BICDL2: variants seen among roughly 807,000 people sequenced by gnomAD.
BICDL2 encodes BICD family like cargo adaptor 2, also known as BICD family-like cargo adapter 2.
A neutral mutation model predicts 56.6 loss-of-function variants in BICDL2; 62 were observed. The ratio of observed to expected loss-of-function variants is 1.10; its 90% CI spans 0.89 to 1.35. The LOEUF is 1.35. Ranked by LOEUF, BICDL2 falls within the 40% of genes most tolerant of loss-of-function variation. The probability of loss-of-function intolerance (pLI) is 0.00; values close to 1 mark genes in which losing one functional copy is unlikely to be tolerated. For synonymous variants in BICDL2, 358 were observed against 319.8 expected (o/e 1.12, Z -1.27); for missense variants, 808 against 684.5 (o/e 1.18, Z -2.01).
At chr16:3,031,195 G>T (rs955108429) in intron 2 of BICDL2, 45 bp from the exon 3 acceptor site, 1 of 1,495,878 alleles carries the variant, frequency 6.7e-7, no homozygotes. Context: ...AGGCACCGAT[G>T]AGACTGGGCA....
intron 2 of BICDL2, among the ~76,000 whole-genome samples, chr16:3,033,618 A>G (rs1480688169): frequency 3.9e-5 from 6 of 152,050 alleles, no homozygotes; most frequent in African/African-American, 1.4e-4. Flanking sequence ...TCATCTCTAC[A>G]AAAAATGCAA....
chr16:3,035,109 C>T, intron 2 of BICDL2, 106 bp downstream of exon 2: 10 of 1,181,476 alleles, frequency 8.5e-6, no homozygotes, highest in Non-Finnish European at 1.1e-5. Flanking sequence ...CTGTCCTCCC[C>T]AGCTCCTCTC....
chr16:3,035,980 T>G (rs1364571879), intron 1 of BICDL2: 4 of 312,604 alleles, frequency 1.3e-5, no homozygotes, highest in Non-Finnish European at 1.9e-5. Flanking sequence ...TGAGGTATCT[T>G]CGCCCCCAGG....
intron 1 of BICDL2, 133 bp downstream of exon 1, chr16:3,036,761 G>T: frequency 2.7e-6 from 1 of 367,524 alleles, no homozygotes; most frequent in Non-Finnish European, 5.3e-6. Context: ...GTTCCTGCCG[G>T]CGCCCCCGGT....
rs953258725 is a variant in BICDL2, at chr16:3,028,032, G to A, written c.*74C>T. 2.4e-5 allele frequency: 33 copies of A among 1,385,142 alleles called. No individual in the cohort carries two copies. Among genetic ancestry groups the A allele is most frequent in the Non-Finnish European group, 3.1e-5 (33 of 1,071,040 alleles). The allele number at this position is 1,385,142 out of a possible 1,614,324, so 85.8% of individuals were successfully genotyped here. A position where few individuals can be genotyped will look rare whatever the true frequency, so the allele number is the denominator to read the frequency against. On this transcript the variant is annotated 3_prime_UTR_variant, in exon 10 of 10. Transcript: ENST00000572449. The stretch of plus-strand genomic sequence containing the variant: ...CAGCTTCTTTTGGAAGACAATCTGG[G>A]CCCTGTCGCTCCATTGGCCTGAAGA...
rs113976644 is a variant in BICDL2 at position 3,034,730 on chromosome 16, C to G, written c.282+485G>C. ...TCCTTCCTTTTTTTTTTTTCAGGAT[C>G]TCACTCTGTTGCTCAAGCTGTAGTG... On this transcript the variant is annotated intron_variant, in intron 2 of 9. Transcript: ENST00000572449. Among the ~76,000 whole-genome samples the G allele has an allele frequency of 1.9e-3, 246 of 128,912 alleles. 1 individual carries two copies. Among genetic ancestry groups the G allele is most frequent in the African/African-American group, 7.4e-3 (236 of 31,762 alleles). 84.6% of individuals were successfully genotyped at this position (128,912 alleles called of 152,430 possible). A position where few individuals can be genotyped will look rare whatever the true frequency, so the allele number is the denominator to read the frequency against.
intron 2 of BICDL2, among the ~76,000 whole-genome samples, chr16:3,033,586 G>A (rs927599721): frequency 4.6e-5 from 7 of 152,176 alleles, no homozygotes; most frequent in African/African-American, 1.2e-4. Flanking sequence ...TTTGAGACCA[G>A]CCTGGGCAAC....
In BICDL2 at chr16:3,029,773, G is replaced by A. The variant is rs767702034; in HGVS notation, c.763-34C>T. Reference sequence around the variant, plus strand: ...GGTCCCGCAGACGGAAGCGCGGGCGGTCAGCGGGACGCACGCAACGCCGAC... The same window carrying A: ...GGTCCCGCAGACGGAAGCGCGGGCGATCAGCGGGACGCACGCAACGCCGAC... On this transcript the variant is annotated intron_variant, in intron 5 of 9. Coordinates refer to ENST00000572449, the MANE Select transcript of BICDL2 (RefSeq NM_001369667.1). The A allele has an allele frequency of 6.9e-6, 10 of 1,451,722 alleles. No homozygotes were observed. In the East Asian group the frequency reaches 1.4e-4, roughly 20 times the overall value. 89.9% of individuals were successfully genotyped at this position (1,451,722 alleles called of 1,614,324 possible).
At chr16:3,035,878 C>G (rs767330871) in intron 1 of BICDL2, 16 of 311,158 alleles carry the variant, frequency 5.1e-5, no homozygotes, top group Non-Finnish European at 8.0e-5. Flanking sequence ...CCATCTGAGA[C>G]AGTTCCCAGA....
intron 1 of BICDL2, chr16:3,036,362 C>A (rs1314908458): frequency 2.2e-6 from 1 of 448,684 alleles, no homozygotes. Flanking sequence ...CTGGGCTCCC[C>A]TAGGGCGGCT....
At position 3,028,161 on chromosome 16, in the gene BICDL2, C is replaced by A. The variant is rs1244308794; in HGVS notation, c.1472G>T (p.Arg491Leu). Reference sequence around the variant, plus strand: ...GCCACCGGCGGGCCCGGGGCCCAGGCGCAGCGAGAAGCGGGGCGCGGCACG... The same window carrying A: ...GCCACCGGCGGGCCCGGGGCCCAGGAGCAGCGAGAAGCGGGGCGCGGCACG... The part of the protein sequence containing the change: ...PRRAAPRFSL[R>L]LGPGPAGGFL... The change falls in exon 10 of 10, where the codon CGC becomes CTC. Residue 491 changes from arginine to leucine, a missense_variant. Coordinates refer to ENST00000572449, the MANE Select transcript of BICDL2 (RefSeq NM_001369667.1). 6.9e-7 allele frequency: 1 copy of A among 1,446,610 alleles called. No homozygotes were observed. Among genetic ancestry groups the A allele is most frequent in the Non-Finnish European group, 9.0e-7 (1 of 1,107,908 alleles). The allele number at this position is 1,446,610 out of a possible 1,614,324, so 89.6% of individuals were successfully genotyped here.
rs769873879 is a variant in BICDL2, at chr16:3,029,321, G to C, written c.1066C>G (p.Leu356Val). Residue 356 changes from leucine (L) to valine (V), a missense_variant, in exon 7 of 10, where the codon CTG becomes GTG. Physicochemically the swap from Leu to Val is conservative, Grantham distance 32. Transcript: ENST00000572449. ...GCCACTTCCACCTCCTTCTCCTCCA[G>C]TATCTCCGCTGGACTGAGGGATGTT... is the stretch of plus-strand genomic sequence containing the variant. ...KRTSLSPAEI[L>V]EEKEVEVAKL... 6.2e-7 allele frequency: 1 copy of C among 1,611,374 alleles called. No individual in the cohort carries two copies. Among genetic ancestry groups the C allele is most frequent in the East Asian group, 2.2e-5 (1 of 44,794 alleles).
At chr16:3,028,609 G>T in intron 8 of BICDL2, 91 bp downstream of exon 8, 1 of 1,474,826 alleles carries the variant, frequency 6.8e-7, no homozygotes, top group Non-Finnish European at 9.0e-7. Context: ...GGGTGGGAGT[G>T]GGGATCATTA....
At position 3,028,795 on chromosome 16, in the gene BICDL2, C is replaced by A. The variant is rs1371925111; in HGVS notation, c.1143G>T (p.Arg381=). The change falls in exon 8 of 10, where the codon CGG becomes CGT. Residue 381 remains arginine, a synonymous_variant. Coordinates refer to ENST00000572449, the MANE Select transcript of BICDL2 (RefSeq NM_001369667.1). ...GCTCCTTCTGCCTCTGCAGCTCTTC[C>A]CGCAGGGACTGCAGCTCTGCCTGCT... ...SLQQAELQSL[R]EELQRQKELR... 7 of 1,556,078 alleles carry A rather than the reference C, an allele frequency of 4.5e-6. No homozygotes were observed. In the Admixed American group the frequency reaches 9.6e-5, roughly 21 times the overall value.
intron 2 of BICDL2, chr16:3,031,634 G>C (rs760099266): frequency 6.0e-4 from 244 of 403,438 alleles, no homozygotes; most frequent in Non-Finnish European, 9.8e-4. Flanking sequence ...TCTGACCAGC[G>C]GGGGAATGCC....
chr16:3,034,918 G>A (rs1187650792), intron 2 of BICDL2: 3 of 391,194 alleles, frequency 7.7e-6, no homozygotes, highest in Non-Finnish European at 1.4e-5. Context: ...TCACTACGTT[G>A]CCCAGGCTGT....
Position 3,029,295 on chromosome 16 carries a change from G to A in BICDL2, c.1092C>T (p.Ala364=). 6.2e-7 allele frequency: 1 copy of A among 1,611,534 alleles called. No individual in the cohort carries two copies. Among genetic ancestry groups the A allele is most frequent in the Non-Finnish European group, 8.5e-7 (1 of 1,179,328 alleles). The change falls in exon 7 of 10, where the codon GCC becomes GCT. Residue 364 remains alanine, a synonymous_variant. Coordinates refer to ENST00000572449, the MANE Select transcript of BICDL2 (RefSeq NM_001369667.1). The part of the protein sequence containing the change: ...EILEEKEVEV[A]KLQDEISLQQ... ...TCTGCCCCACCTCATCTTGCAGCTT[G>A]GCCACTTCCACCTCCTTCTCCTCCA...
Position 3,035,098 on chromosome 16 carries a change from G to C in BICDL2, c.282+117C>G, listed in dbSNP as rs1250510507. On this transcript the variant is annotated intron_variant, in intron 2 of 9. Transcript: ENST00000572449. Reference sequence around the variant, plus strand: ...TGTTCCAAAGTGCCCCCCTCGCCCGGCTGTCCTCCCCAGCTCCTCTCTCCT... The same window carrying C: ...TGTTCCAAAGTGCCCCCCTCGCCCGCCTGTCCTCCCCAGCTCCTCTCTCCT... The C allele has an allele frequency of 8.2e-6, 9 of 1,091,090 alleles. No homozygotes were observed. The African/African-American group carries it at 1.3e-4, about 15-fold the overall frequency. 67.6% of individuals were successfully genotyped at this position (1,091,090 alleles called of 1,614,324 possible).
chr16:3,035,851 T>G (rs1955727325), intron 1 of BICDL2: 1 of 339,672 alleles, frequency 2.9e-6, no homozygotes, highest in South Asian at 3.4e-5. Context: ...CCCAGCAGTT[T>G]GGCTTGTAGC....
Sources: allele counts gnomAD v4.1 joint callset (sites outside exome capture counted in the v4.1 genomes callset), GRCh38; gene constraint gnomAD v4.1.1; transcripts MANE v1.5; gene names NCBI Gene and HGNC (gene_info 2026-07-23, HGNC 2026-07-21).